The following STARD9 variants were observed in gnomAD, a reference collection of about 807,000 sequenced individuals.
STARD9 encodes stAR-related lipid transfer protein 9.
STARD9 carries 346 observed loss-of-function variants against 399.8 expected under a neutral mutation model. That is an observed-to-expected ratio of 0.87 (90% CI 0.79 to 0.95). The LOEUF is 0.95. STARD9 is among the 40% of genes least tolerant of loss of function. The pLI is 0.00. For missense variants in STARD9, 5,832 were observed against 5,667.5 expected, an observed-to-expected ratio of 1.03 and a Z score of -0.93; for synonymous variants, 2,203 against 2,143.5, an observed-to-expected ratio of 1.03 and a Z score of -0.77.
chr15:42,691,338 G>C lies in STARD9; in HGVS notation c.9760G>C (p.Val3254Leu). ...AGATGCTGGGAGAGAGGAGGTGGCT[G>C]TGGCCAAGCCTCCTGTGTCCAAGAT... ...ILDAGREEVA[V>L]AKPPVSKILS... Residue 3254 changes from valine to leucine, a missense_variant, in exon 23 of 33, where the codon GTG becomes CTG. Val to Leu is a conservative substitution (Grantham distance 32, BLOSUM62 1). Coordinates refer to ENST00000290607, the MANE Select transcript of STARD9 (RefSeq NM_020759.3). 6.5e-7 allele frequency: 1 copy of C among 1,537,226 alleles called. No homozygotes were observed. The highest frequency in any genetic ancestry group is 8.7e-7 in the Non-Finnish European group (1 of 1,146,880).
At position 42,690,745 on chromosome 15, in the gene STARD9, G is replaced by A. The variant is rs1595783036; in HGVS notation, c.9167G>A (p.Gly3056Asp). The A allele has an allele frequency of 1.3e-6, 2 of 1,537,266 alleles. No individual in the cohort carries two copies. Among genetic ancestry groups the A allele is most frequent in the East Asian group, 4.9e-5 (2 of 40,916 alleles). The stretch of plus-strand genomic sequence containing the variant: ...GCTGCTGTCCTATCTCGAGCTCAAG[G>A]CTGCAGATCCCCTTCTGCTCCTGAC... ...TVAAVLSRAQ[G>D]CRSPSAPDVR... The change falls in exon 23 of 33, where the codon GGC (glycine) becomes GAC (aspartate). Residue 3056 changes from glycine to aspartate, a missense_variant. Gly to Asp is a moderately conservative substitution (Grantham distance 94, BLOSUM62 -1). Coordinates refer to ENST00000290607, the MANE Select transcript of STARD9 (RefSeq NM_020759.3).
intron 26 of STARD9, among the ~76,000 whole-genome samples, chr15:42,712,333 A>G (rs1000556058): frequency 1.0e-4 from 15 of 150,302 alleles, no homozygotes; most frequent in African/African-American, 3.7e-4. Context: ...GATGATGTCC[A>G]GTTTATTTTT....
intron 15 of STARD9, among the ~76,000 whole-genome samples, chr15:42,666,750 G>GAGGGCA: frequency 6.6e-6 from 1 of 152,182 alleles, no homozygotes. Context: ...GTAACCCCGT[G>GAGGGCA]AGGGCAAGGA....
chr15:42,602,376 C>A (rs1048573861), intron 3 of STARD9, among the ~76,000 whole-genome samples: 3 of 152,120 alleles, frequency 2.0e-5, no homozygotes, highest in African/African-American at 7.2e-5. Flanking sequence ...GTCGTGACTG[C>A]AAGTTGTCCA....
In STARD9 at chr15:42,693,200, C is replaced by T. The variant is rs61746531; in HGVS notation, c.11622C>T (p.Ser3874=). 2.0e-3 allele frequency: 3,002 copies of T among 1,537,084 alleles called. 49 individuals are homozygous for T. In the African/African-American group the frequency reaches 0.033, roughly 17 times the overall value. The stretch of plus-strand genomic sequence containing the variant: ...CCCCAGGGCTCTTTCCCAGTACTTC[C>T]GAGTATCCTGGGGACTCCAGGGTCC... ...PHSPGLFPST[S]EYPGDSRVQK... is the part of the protein sequence containing the mutation. The change falls in exon 23 of 33, where the codon TCC becomes TCT. Residue 3874 remains serine, a synonymous_variant. Transcript: ENST00000290607.
chr15:42,686,515 A>G lies in STARD9; in HGVS notation c.4937A>G (p.Asp1646Gly), dbSNP rs960926926. 3.3e-6 allele frequency: 5 copies of G among 1,537,580 alleles called. No individual in the cohort carries two copies. The African/African-American group carries it at 5.5e-5, about 17-fold the overall frequency. The change falls in exon 23 of 33, where the codon GAT (aspartate) becomes GGT (glycine). Residue 1646 changes from aspartate (D) to glycine (G), a missense_variant. Around this residue, in one of 2 missense-constraint regions of STARD9, gnomAD observed 5,828 missense variants for 5,651.1 expected, o/e 1.03. Coordinates refer to ENST00000290607, the MANE Select transcript of STARD9 (RefSeq NM_020759.3). ...CRKPGLMTSSDEDFFQKNACH... is the reference protein window; with the variant it reads ...CRKPGLMTSSGEDFFQKNACH... ...AAACCTGGACTGATGACTTCCTCTG[A>G]TGAGGATTTTTTCCAGAAGAACGCT... is the stretch of plus-strand genomic sequence containing the variant.
intron 3 of STARD9, among the ~76,000 whole-genome samples, chr15:42,619,820 T>C (rs2059050215): frequency 6.6e-6 from 1 of 152,168 alleles, no homozygotes; most frequent in African/African-American, 2.4e-5. Context: ...CTTTACCCAA[T>C]TTCTTTTGGT....
chr15:42,622,448 A>G (rs1296932286), intron 3 of STARD9, among the ~76,000 whole-genome samples: 2 of 151,936 alleles, frequency 1.3e-5, no homozygotes, highest in Non-Finnish European at 2.9e-5. Context: ...GCTGATTGCA[A>G]CCTTGAACTC....
intron 26 of STARD9, among the ~76,000 whole-genome samples, chr15:42,707,341 C>T (rs1040825395): frequency 6.6e-6 from 1 of 152,092 alleles, no homozygotes; most frequent in Non-Finnish European, 1.5e-5. Flanking sequence ...AGTTGGAGGA[C>T]ATTCGCAAAT....
intron 26 of STARD9, among the ~76,000 whole-genome samples, chr15:42,715,254 T>C (rs1340798828): frequency 2.0e-5 from 3 of 152,266 alleles, no homozygotes; most frequent in Non-Finnish European, 2.9e-5. Flanking sequence ...GACTGCTGTT[T>C]GGAGGAGTGA....
chr15:42,717,119 A>G (rs2061365256), intron 28 of STARD9, 71 bp downstream of exon 28: 4 of 1,508,786 alleles, frequency 2.7e-6, no homozygotes, highest in Admixed American at 2.0e-5. Context: ...AGGAAGAGAA[A>G]GTAGGAAAAA....
In STARD9 at chr15:42,665,681, G is replaced by A. The variant is rs915793116; in HGVS notation, c.1255-105G>A. 11 of 883,140 alleles carry A rather than the reference G, an allele frequency of 1.2e-5. No individual in the cohort carries two copies. The Admixed American group carries it at 2.5e-4, about 20-fold the overall frequency. The allele number at this position is 883,140 out of a possible 1,614,324, so 54.7% of individuals were successfully genotyped here. A position where few individuals can be genotyped will look rare whatever the true frequency, so the allele number is the denominator to read the frequency against. ...CCTGATTTCTTATTTTAATAATAAAGTTTTTCCTTTATCTGCATCTTATCC... is the reference window on the plus strand; with the variant it reads ...CCTGATTTCTTATTTTAATAATAAAATTTTTCCTTTATCTGCATCTTATCC... On this transcript the variant is annotated intron_variant, in intron 14 of 32. Transcript: ENST00000290607.
intron 26 of STARD9, among the ~76,000 whole-genome samples, chr15:42,709,891 C>A (rs2061173621): frequency 6.6e-6 from 1 of 152,120 alleles, no homozygotes; most frequent in Non-Finnish European, 1.5e-5. Context: ...CTTCTTCCGC[C>A]ACTTAATTTA....
chr15:42,645,237 C>T (rs1286426445), intron 7 of STARD9, among the ~76,000 whole-genome samples: 1 of 152,232 alleles, frequency 6.6e-6, no homozygotes, highest in Non-Finnish European at 1.5e-5. Context: ...AGAGGAATCA[C>T]TGTGACAACT....
chr15:42,667,947 A>C (rs551667710), intron 15 of STARD9, among the ~76,000 whole-genome samples: 15 of 152,228 alleles, frequency 9.9e-5, no homozygotes, highest in Non-Finnish European at 1.6e-4. Context: ...TTCCTCCTTC[A>C]GTCATGTATT....
chr15:42,675,139 AAGTCTTGG>A (rs2060283508), intron 18 of STARD9, among the ~76,000 whole-genome samples, 175 bp downstream of exon 18: 1 of 152,174 alleles, frequency 6.6e-6, no homozygotes, highest in Non-Finnish European at 1.5e-5. Context: ...CTTAATTCCA[AAGTCTTGG>A]AGTGAAGAAT....
chr15:42,577,643 C>A (rs1265521196), intron 1 of STARD9, among the ~76,000 whole-genome samples: 1 of 152,196 alleles, frequency 6.6e-6, no homozygotes, highest in Non-Finnish European at 1.5e-5. Flanking sequence ...TGTAGATACC[C>A]AGGTGTGAAC....
At chr15:42,593,832 T>A (rs913506925) in intron 3 of STARD9, among the ~76,000 whole-genome samples, 4 of 144,866 alleles carry the variant, frequency 2.8e-5, no homozygotes, top group African/African-American at 7.9e-5. Flanking sequence ...CCCGGCTAAC[T>A]TTTTTTTTTG....
At chr15:42,635,008 A>ATT in intron 4 of STARD9, 36 bp downstream of exon 4, 1 of 1,226,792 alleles carries the variant, frequency 8.2e-7, no homozygotes, top group Non-Finnish European at 1.1e-6. Context: ...CTAATGCCAC[A>ATT]GCAAGCCTGA....
Sources: allele counts gnomAD v4.1 joint callset (sites outside exome capture counted in the v4.1 genomes callset), GRCh38; gene constraint gnomAD v4.1.1; regional missense constraint gnomAD v4.1.1; transcripts MANE v1.5; gene names NCBI Gene and HGNC (gene_info 2026-07-23, HGNC 2026-07-21).